The following PASK variants were observed in gnomAD, a reference collection of about 807,000 sequenced individuals.
PASK encodes the protein PAS domain-containing serine/threonine-protein kinase.
In PASK, 110 loss-of-function variants were observed where a neutral mutation model predicts 121.0. The ratio of observed to expected loss-of-function variants is 0.91; its 90% CI spans 0.78 to 1.06. The LOEUF (loss-of-function observed/expected upper bound fraction) is 1.06. Ranked by LOEUF, PASK falls within the 50% of genes least tolerant of loss-of-function variation. PASK has a pLI of 0.00. For missense variants in PASK, 1,643 were observed against 1,702.3 expected (o/e 0.97, Z 0.61); for synonymous variants, 686 against 717.8 (o/e 0.96, Z 0.71).
rs139355972 is a variant in PASK at position 241,138,721 on chromosome 2, C to T, written c.674G>A (p.Arg225His). 14 of 1,613,942 alleles carry T rather than the reference C, an allele frequency of 8.7e-6. No individual in the cohort carries two copies. Among genetic ancestry groups the T allele is most frequent in the South Asian group, 6.6e-5 (6 of 91,090 alleles). Residue 225 changes from arginine (R) to histidine (H), a missense_variant, in exon 5 of 18, where the codon CGC (arginine) becomes CAC (histidine). Around this residue, in one of 3 missense-constraint regions of PASK, gnomAD observed 1,176 missense variants for 1,162.2 expected, o/e 1.01. Transcript: ENST00000234040. ...VWMKRMRQER[R>H]LCCVVVLEPV... ...CTCCAGGACCACCACGCAGCATAGG[C>T]GGCGCTCCTGCCGCATCCTCTTCAT...
Position 241,132,963 on chromosome 2 carries a change from C to T in PASK, c.1374G>A (p.Met458Ile). The T allele has an allele frequency of 6.2e-7, 1 of 1,614,028 alleles. No individual in the cohort carries two copies. The highest frequency in any genetic ancestry group is 8.5e-7 in the Non-Finnish European group (1 of 1,179,880). The change falls in exon 9 of 18, where the codon ATG becomes ATA. Residue 458 changes from methionine (M) to isoleucine (I), a missense_variant. Around this residue, in one of 3 missense-constraint regions of PASK, gnomAD observed 1,176 missense variants for 1,162.2 expected, o/e 1.01. Coordinates refer to ENST00000234040, the MANE Select transcript of PASK (RefSeq NM_015148.4). ...VVPRDEIRKLMESQDIFTGTQ... is the reference protein window; with the variant it reads ...VVPRDEIRKLIESQDIFTGTQ... The stretch of plus-strand genomic sequence containing the variant: ...TCCCGGTGAAGATGTCTTGGCTTTC[C>T]ATCAGCTTCCGGATCTCATCTCGGG...
chr2:241,113,277 TC>T lies in PASK; in HGVS notation c.3334-839del, dbSNP rs796280603. On this transcript the variant is annotated intron_variant, in intron 14 of 17. Transcript: ENST00000234040. ...ATTTATATTTACAAATGAGTATCTT[TC>T]AAATCAGGAGCAATAATCACAGGTT... 5 of 152,364 alleles carry T rather than the reference TC, an allele frequency of 3.3e-5. 1 individual carries two copies. Among genetic ancestry groups the T allele is most frequent in the African/African-American group, 1.2e-4 (5 of 41,588 alleles). The allele number at this position is 152,364 out of a possible 1,614,324, so 9.4% of individuals were successfully genotyped here.
rs41266953 is a variant in PASK, at chr2:241,108,250, G to A, written c.3584C>T (p.Thr1195Met). 1,730 of 1,613,838 alleles carry A rather than the reference G, an allele frequency of 1.1e-3. 3 individuals carry two copies. Among genetic ancestry groups the A allele is most frequent in the Non-Finnish European group, 1.4e-3 (1,610 of 1,179,750 alleles). ...GAAGGGGTTCTCCTCAAAGACCAGCGTGTACAGAGTGACTCCCAGAGACCA... is the reference window on the plus strand; with the variant it reads ...GAAGGGGTTCTCCTCAAAGACCAGCATGTACAGAGTGACTCCCAGAGACCA... The part of the protein sequence containing the change: ...EMWSLGVTLY[T>M]LVFEENPFCE... The change falls in exon 16 of 18, where the codon ACG becomes ATG. Residue 1195 changes from threonine to methionine, a missense_variant. Transcript: ENST00000234040. The surrounding 1 kb of genome is among the most constrained non-coding windows in gnomAD (Gnocchi z 5.2).
chr2:241,112,526 C>A lies in PASK; in HGVS notation c.3334-87G>T. 2 of 841,698 alleles carry A rather than the reference C, an allele frequency of 2.4e-6. No homozygotes were observed. The highest frequency in any genetic ancestry group is 3.7e-6 in the Non-Finnish European group (2 of 535,608). 52.1% of individuals were successfully genotyped at this position (841,698 alleles called of 1,614,324 possible). On this transcript the variant is annotated intron_variant, in intron 14 of 17. Coordinates refer to ENST00000234040, the MANE Select transcript of PASK (RefSeq NM_015148.4). This position sits in a 1 kb window ranked among gnomAD's most constrained non-coding sequence, Gnocchi z 5.2. ...AAATAAACTGGAACAAAAAAAAACA[C>A]AAAGAAAAAATAAACCTCCGACTCA...
rs147512351 is a variant in PASK, at chr2:241,122,838, G to T, written c.2966C>A (p.Ala989Glu). Residue 989 changes from alanine to glutamate, a missense_variant, in exon 12 of 18, where the codon GCG (alanine) becomes GAG (glutamate). Ala to Glu is a moderately radical substitution (Grantham distance 107). Transcript: ENST00000234040. ...TTGGGAGTACTCGCCCTCACAGGCC[G>T]CCAACCCCTCCAGTTCCACAGCCTT... ...PPKAVELEGL[A>E]ACEGEYSQKY... 1 of 1,614,100 alleles carries T rather than the reference G, an allele frequency of 6.2e-7. No homozygotes were observed. The highest frequency in any genetic ancestry group is 8.5e-7 in the Non-Finnish European group (1 of 1,179,954).
intron 15 of PASK, among the ~76,000 whole-genome samples, chr2:241,110,721 G>A (rs190575356): frequency 2.0e-5 from 3 of 152,314 alleles, no homozygotes; most frequent in Non-Finnish European, 4.4e-5. Flanking sequence ...GGCATCATGG[G>A]TCAGTGGACA....
chr2:241,144,175 C>T (rs10186992), intron 1 of PASK, among the ~76,000 whole-genome samples: 4,026 of 152,236 alleles, frequency 0.026, 135 homozygotes, highest in East Asian at 0.11. Flanking sequence ...CATGTGAGCA[C>T]GTGTTCCATG....
Position 241,142,953 on chromosome 2 carries a change from T to G in PASK, c.80A>C (p.Glu27Ala), listed in dbSNP as rs1403487526. The change falls in exon 2 of 18, where the codon GAG becomes GCG. Residue 27 changes from glutamate to alanine, a missense_variant. Glu to Ala is a moderately radical substitution (Grantham distance 107). Around this residue, in one of 3 missense-constraint regions of PASK, gnomAD observed 1,176 missense variants for 1,162.2 expected, o/e 1.01. Coordinates refer to ENST00000234040, the MANE Select transcript of PASK (RefSeq NM_015148.4). Reference sequence around the variant, plus strand: ...AGCAGTGGTCTGTGCAGCTGGGCCCTCTGCTGACACTGGCAAGGGGAGGCT... The same window carrying G: ...AGCAGTGGTCTGTGCAGCTGGGCCCGCTGCTGACACTGGCAAGGGGAGGCT... ...SQSLPLPVSA[E>A]GPAAQTTAEP... 1 of 1,613,456 alleles carries G rather than the reference T, an allele frequency of 6.2e-7. No homozygotes were observed. The highest frequency in any genetic ancestry group is 2.2e-5 in the East Asian group (1 of 44,886).
intron 17 of PASK, 112 bp downstream of exon 17, chr2:241,107,241 C>T: frequency 2.1e-6 from 2 of 948,828 alleles, no homozygotes; most frequent in Non-Finnish European, 3.5e-6. Flanking sequence ...GTGTCCAAGA[C>T]AGCATGGGGG....
chr2:241,124,459 C>T (rs1458404947), intron 10 of PASK, among the ~76,000 whole-genome samples: 1 of 152,228 alleles, frequency 6.6e-6, no homozygotes, highest in Admixed American at 6.5e-5. Context: ...GTGCAGACAA[C>T]CCCCAACTCA....
Position 241,140,072 on chromosome 2 carries a change from A to T in PASK, c.430-17T>A. The T allele has an allele frequency of 1.2e-6, 2 of 1,611,050 alleles. No individual in the cohort carries two copies. The highest frequency in any genetic ancestry group is 2.2e-5 in the South Asian group (2 of 90,810). On this transcript the variant is annotated splice_polypyrimidine_tract_variant and intron_variant, in intron 3 of 17. Coordinates refer to ENST00000234040, the MANE Select transcript of PASK (RefSeq NM_015148.4). ...AACCAGGATCTGAGGAATCACAAAG[A>T]GGAGCAAGGATGCAGACATCCCCAG...
At chr2:241,150,229 C>A (rs2067221310), upstream of PASK, 1 of 1,281,456 alleles carries the variant, frequency 7.8e-7, no homozygotes, top group Non-Finnish European at 9.8e-7. Flanking sequence ...CTGTGCGTCC[C>A]GCTTCGACTC....
chr2:241,147,560 G>A (rs1397075041), intron 1 of PASK, among the ~76,000 whole-genome samples: 1 of 152,192 alleles, frequency 6.6e-6, no homozygotes. Flanking sequence ...GGCGGAGGCT[G>A]CAGTGAGAGG....
At chr2:241,149,216 GAT>G (rs952645596) in intron 1 of PASK, among the ~76,000 whole-genome samples, 196 bp downstream of exon 1, 6 of 152,190 alleles carry the variant, frequency 3.9e-5, no homozygotes, top group Non-Finnish European at 8.8e-5. Context: ...ACCCCGCCGC[GAT>G]TTGGGCACGG....
chr2:241,114,484 C>T, intron 14 of PASK: 1 of 998,864 alleles, frequency 1.0e-6, no homozygotes, highest in African/African-American at 1.7e-5. Flanking sequence ...CGTTTCTTCC[C>T]CCTGTCCCTC....
rs568061248 is a variant in PASK, at chr2:241,126,512, G to A, written c.2403C>T (p.Thr801=). Residue 801 remains threonine, a synonymous_variant, in exon 10 of 18, where the codon ACC becomes ACT. Transcript: ENST00000234040. ...VLDDRELLLL[T]GTCVDLGQGR... ...CTTGGCCAAGGTCAACACAGGTGCC[G>A]GTCAGTAGTAACAGCTCCCTGTCAT... 44 of 1,614,212 alleles carry A rather than the reference G, an allele frequency of 2.7e-5. 1 individual carries two copies. Among genetic ancestry groups the A allele is most frequent in the Middle Eastern group, 3.3e-4 (2 of 6,062 alleles).
chr2:241,131,311 G>A lies in PASK; in HGVS notation c.1463+1563C>T, dbSNP rs186752134. Among the ~76,000 whole-genome samples the A allele has an allele frequency of 2.7e-3, 415 of 152,166 alleles. 1 individual carries two copies. The highest frequency in any genetic ancestry group is 6.8e-3 in the Middle Eastern group (2 of 294). ...CTACAGGCGCCCGCCACCATGCCTG[G>A]CTAATTTTTTGTATTTTTAGTAGAG... On this transcript the variant is annotated intron_variant, in intron 9 of 17. Coordinates refer to ENST00000234040, the MANE Select transcript of PASK (RefSeq NM_015148.4).
At chr2:241,143,446 G>T (rs2066806549) in intron 1 of PASK, among the ~76,000 whole-genome samples, 1 of 152,054 alleles carries the variant, frequency 6.6e-6, no homozygotes, top group Non-Finnish European at 1.5e-5. Flanking sequence ...AGCTACTCGG[G>T]AGGCTGAGGC....
chr2:241,143,815 C>T (rs2066824254), intron 1 of PASK, among the ~76,000 whole-genome samples: 1 of 152,254 alleles, frequency 6.6e-6, no homozygotes, highest in Non-Finnish European at 1.5e-5. Flanking sequence ...CACAGAATCA[C>T]CTGGGTGCTG....
Sources: gnomAD v4.1 joint callset for allele counts (sites outside exome capture counted in the v4.1 genomes callset) on GRCh38, gnomAD v4.1.1 for gene constraint, gnomAD v4.1.1 regional missense constraint, Gnocchi (gnomAD v3.1) non-coding constraint, MANE v1.5 for transcripts, NCBI Gene and HGNC (gene_info 2026-07-23, HGNC 2026-07-21) for gene names.